The following PCDHA6 variants were observed in gnomAD, a reference collection of about 807,000 sequenced individuals.
The protein encoded by PCDHA6 is protocadherin alpha 6.
A neutral mutation model predicts 60.3 loss-of-function variants in PCDHA6; 55 were observed. The observed-to-expected ratio is 0.91, with a 90% confidence interval of 0.73 to 1.14. The LOEUF is 1.14. PCDHA6 is among the 50% of genes most tolerant of loss of function. The pLI, the probability that PCDHA6 is intolerant of heterozygous loss-of-function variation, is 0.00. For missense variants in PCDHA6, 1,327 were observed against 1,256.5 expected, an observed-to-expected ratio of 1.06 and a Z score of -0.85; for synonymous variants, 652 against 557.9, an observed-to-expected ratio of 1.17 and a Z score of -2.38.
At chr5:140,831,731 C>A (rs1771681579) in intron 1 of PCDHA6, among the ~76,000 whole-genome samples, 1 of 152,004 alleles carries the variant, frequency 6.6e-6, no homozygotes, top group Admixed American at 6.6e-5. Flanking sequence ...TGTTATCCTC[C>A]CTTGCCTAAA....
chr5:140,892,246 G>T lies in PCDHA6; in HGVS notation c.2394+61761G>T, dbSNP rs895446433. Among the ~76,000 whole-genome samples the T allele has an allele frequency of 5.9e-5, 9 of 152,166 alleles. No individual in the cohort carries two copies. In the East Asian group the frequency reaches 1.7e-3, roughly 29 times the overall value. Reference sequence around the variant, plus strand: ...GGTGTTTTGTCTCCACATAAACCTGGTTATCTTTGATTTTGTGCTGAAAGT... The same window carrying T: ...GGTGTTTTGTCTCCACATAAACCTGTTTATCTTTGATTTTGTGCTGAAAGT... On this transcript the variant is annotated intron_variant, in intron 1 of 3. Coordinates refer to ENST00000529310, the MANE Select transcript of PCDHA6 (RefSeq NM_018909.4).
intron 1 of PCDHA6, among the ~76,000 whole-genome samples, chr5:140,946,661 G>C (rs2094005923): frequency 7.6e-6 from 1 of 132,422 alleles, no homozygotes; most frequent in Non-Finnish European, 1.6e-5. Flanking sequence ...CCATTAGAAA[G>C]AATGAAATCC....
rs2047281878 is a variant in PCDHA6, at chr5:140,862,273, A to T, written c.2394+31788A>T. On this transcript the variant is annotated intron_variant, in intron 1 of 3. Coordinates refer to ENST00000529310, the MANE Select transcript of PCDHA6 (RefSeq NM_018909.4). ...CCAGAGTTAGCAGTAAGTCACTATC[A>T]TTCCCTGTACAGGAGGACGCTCCAC... The T allele has an allele frequency of 1.2e-5, 3 of 240,916 alleles. No individual in the cohort carries two copies. In the South Asian group the frequency reaches 1.9e-4, roughly 15 times the overall value. 14.9% of individuals were successfully genotyped at this position (240,916 alleles called of 1,614,324 possible).
chr5:140,882,081 T>G, intron 1 of PCDHA6: 1 of 985,220 alleles, frequency 1.0e-6, no homozygotes, highest in Non-Finnish European at 1.5e-6. Context: ...ATGGTGTCGC[T>G]CTTCACTGAG....
chr5:140,884,839 G>A lies in PCDHA6; in HGVS notation c.2394+54354G>A, dbSNP rs180730260. Reference sequence around the variant, plus strand: ...ACATTATGTGTTGGATTATCCTTCAGAGTGAAATCTTAACTCACAAACCAT... The same window carrying A: ...ACATTATGTGTTGGATTATCCTTCAAAGTGAAATCTTAACTCACAAACCAT... On this transcript the variant is annotated intron_variant, in intron 1 of 3. Coordinates refer to ENST00000529310, the MANE Select transcript of PCDHA6 (RefSeq NM_018909.4). 2.5e-3 allele frequency: 2,207 copies of A among 893,274 alleles called. 7 individuals are homozygous for A. Among genetic ancestry groups the A allele is most frequent in the Middle Eastern group, 9.3e-3 (26 of 2,802 alleles). 55.3% of individuals were successfully genotyped at this position (893,274 alleles called of 1,614,324 possible). A position where few individuals can be genotyped will look rare whatever the true frequency, so the allele number is the denominator to read the frequency against.
intron 1 of PCDHA6, chr5:140,876,058 C>A (rs781906188): frequency 1.2e-6 from 2 of 1,613,750 alleles, no homozygotes; most frequent in African/African-American, 1.3e-5. Flanking sequence ...TGAATTAGTT[C>A]TTCGGAAGTT....
chr5:140,956,733 C>A (rs1412191742), intron 1 of PCDHA6, among the ~76,000 whole-genome samples: 1 of 152,172 alleles, frequency 6.6e-6, no homozygotes, highest in Non-Finnish European at 1.5e-5. Flanking sequence ...ACCAGCTCCT[C>A]TTTGTACCTC....
chr5:140,901,549 A>T (rs1554189886), intron 1 of PCDHA6, among the ~76,000 whole-genome samples: 1 of 152,052 alleles, frequency 6.6e-6, no homozygotes, highest in Non-Finnish European at 1.5e-5. Context: ...ATTCTGTTCC[A>T]TTCATCTATG....
At chr5:140,868,000 C>G (rs2050232725) in intron 1 of PCDHA6, 1 of 152,022 alleles carries the variant, frequency 6.6e-6, no homozygotes, top group Non-Finnish European at 1.5e-5. Flanking sequence ...ATGAATATAA[C>G]TGAATTAGAT....
chr5:140,888,446 A>G (rs1411131603), intron 1 of PCDHA6, among the ~76,000 whole-genome samples: 3 of 152,190 alleles, frequency 2.0e-5, no homozygotes, highest in Non-Finnish European at 2.9e-5. Context: ...GCCCAACAAT[A>G]AAGAATTAGC....
At chr5:140,944,642 T>C (rs535941591) in intron 1 of PCDHA6, among the ~76,000 whole-genome samples, 35 of 152,342 alleles carry the variant, frequency 2.3e-4, no homozygotes, top group African/African-American at 7.9e-4. Context: ...CCAGTGTGGA[T>C]TGGGAGTCCA....
chr5:140,937,199 G>A (rs2091405017), intron 1 of PCDHA6, among the ~76,000 whole-genome samples: 2 of 151,792 alleles, frequency 1.3e-5, no homozygotes, highest in Admixed American at 6.6e-5. Context: ...CACCATGCCC[G>A]GCTAATTTTT....
chr5:140,950,071 T>C (rs560042578), intron 1 of PCDHA6, among the ~76,000 whole-genome samples: 20 of 152,098 alleles, frequency 1.3e-4, no homozygotes, highest in African/African-American at 4.8e-4. Context: ...TCCTGTGCCA[T>C]TGCTTATGCT....
chr5:140,841,357 G>A (rs1554138130), intron 1 of PCDHA6: 1 of 1,612,940 alleles, frequency 6.2e-7, no homozygotes, highest in South Asian at 1.1e-5. Context: ...TGGGATCCTG[G>A]CGACTACTAC....
chr5:140,851,653 A>T, intron 1 of PCDHA6: 1 of 911,134 alleles, frequency 1.1e-6, no homozygotes. Context: ...TCAAGAAGAC[A>T]TTCTCCTTTT....
intron 1 of PCDHA6, among the ~76,000 whole-genome samples, chr5:140,847,134 A>G (rs1210661520): frequency 6.7e-6 from 1 of 149,754 alleles, no homozygotes; most frequent in African/African-American, 2.4e-5. Flanking sequence ...AGGAAAACCA[A>G]TGTAAGAAGA....
At chr5:140,869,521 C>T (rs782236624) in intron 1 of PCDHA6, 4 of 1,614,064 alleles carry the variant, frequency 2.5e-6, no homozygotes, top group Non-Finnish European at 2.5e-6. Flanking sequence ...AGAACAAAAG[C>T]TGCTGATTGC....
intron 1 of PCDHA6, among the ~76,000 whole-genome samples, chr5:140,900,028 T>C (rs1554188848): frequency 1.3e-5 from 2 of 152,132 alleles, no homozygotes; most frequent in Admixed American, 1.3e-4. Flanking sequence ...CAGTTTGGCC[T>C]TGAATTCCTG....
intron 1 of PCDHA6, chr5:140,852,675 C>G: frequency 3.1e-6 from 3 of 968,904 alleles, no homozygotes; most frequent in Non-Finnish European, 3.7e-6. Context: ...CACAACTCAC[C>G]TTGAATATAG....
Sources: allele counts gnomAD v4.1 joint callset (sites outside exome capture counted in the v4.1 genomes callset), GRCh38; gene constraint gnomAD v4.1.1; transcripts MANE v1.5; gene names NCBI Gene and HGNC (gene_info 2026-07-23, HGNC 2026-07-21).